Variants in PPFIA1 observed in about 807,000 individuals in gnomAD.
The protein encoded by PPFIA1 is liprin-alpha-1.
A neutral mutation model predicts 149.9 loss-of-function variants in PPFIA1; 25 were observed. The observed-to-expected ratio is 0.17, with a 90% CI of 0.12 to 0.23. The LOEUF (loss-of-function observed/expected upper bound fraction) is 0.23. Among genes scored for constraint, PPFIA1 ranks in the 10% least tolerant of loss-of-function variants. PPFIA1 has a pLI of 1.00. For missense variants in PPFIA1, 1,362 were observed against 1,506.5 expected, an observed-to-expected ratio of 0.90 and a Z score of 1.59; for synonymous variants, 549 against 552.8, an observed-to-expected ratio of 0.99 and a Z score of 0.10.
intron 2 of PPFIA1, among the ~76,000 whole-genome samples, chr11:70,294,721 C>T (rs1041859729): frequency 1.3e-5 from 2 of 151,504 alleles, no homozygotes; most frequent in African/African-American, 4.9e-5. Context: ...TGTTTGTGTC[C>T]CTGGGTACTT....
intron 16 of PPFIA1, among the ~76,000 whole-genome samples, chr11:70,353,586 G>A (rs898964941): frequency 6.6e-6 from 1 of 152,080 alleles, no homozygotes; most frequent in Non-Finnish European, 1.5e-5. Flanking sequence ...GCGTATTCAC[G>A]TTCCACTGCA....
At chr11:70,354,194 C>A in intron 16 of PPFIA1, 107 bp from the exon 17 acceptor site, 1 of 1,177,960 alleles carries the variant, frequency 8.5e-7, no homozygotes, top group Non-Finnish European at 1.2e-6. Context: ...TCTGTGCTGG[C>A]AGAAAGCACA....
At chr11:70,335,417 G>A in intron 10 of PPFIA1, 146 bp from the exon 11 acceptor site, 1 of 892,434 alleles carries the variant, frequency 1.1e-6, no homozygotes, top group Non-Finnish European at 1.7e-6. Flanking sequence ...TGGTCACCAT[G>A]CAAAAGTCCA....
chr11:70,323,948 A>G (rs947933693), intron 2 of PPFIA1, among the ~76,000 whole-genome samples: 1 of 152,228 alleles, frequency 6.6e-6, no homozygotes, highest in Non-Finnish European at 1.5e-5. Context: ...GGGTGACACA[A>G]TGAGACCCTG....
intron 2 of PPFIA1, among the ~76,000 whole-genome samples, chr11:70,308,912 G>T (rs1471376034): frequency 6.6e-6 from 1 of 152,128 alleles, no homozygotes; most frequent in Non-Finnish European, 1.5e-5. Flanking sequence ...GACAGGGCGA[G>T]ACTCTCTCGA....
chr11:70,357,733 G>A (rs1185163388), intron 19 of PPFIA1, among the ~76,000 whole-genome samples: 11 of 151,802 alleles, frequency 7.2e-5, no homozygotes, highest in African/African-American at 2.2e-4. Flanking sequence ...ACTTACAGGC[G>A]CCCGCCACCA....
rs915693018 is a variant in PPFIA1 at position 70,378,089 on chromosome 11, C to T, written c.3444C>T (p.Asp1148=). 6.2e-7 allele frequency: 1 copy of T among 1,614,092 alleles called. No individual in the cohort carries two copies. The highest frequency in any genetic ancestry group is 8.5e-7 in the Non-Finnish European group (1 of 1,180,014). The change falls in exon 26 of 28, where the codon GAC becomes GAT. Residue 1148 remains aspartate, a synonymous_variant. Coordinates refer to ENST00000253925, the MANE Select transcript of PPFIA1 (RefSeq NM_003626.5). ...PSWRKKFRPK[D]IRGLAAGSAE... The stretch of plus-strand genomic sequence containing the variant: ...GGAGAAAAAAGTTTAGACCAAAGGA[C>T]ATTCGTGGCTTAGCTGCTGGGTCAG...
At chr11:70,381,067 T>A (rs1268653310) in intron 26 of PPFIA1, 3 of 152,148 alleles carry the variant, frequency 2.0e-5, no homozygotes, top group Non-Finnish European at 4.4e-5. Flanking sequence ...CCCAAATTGC[T>A]GGAATTACAG....
chr11:70,286,862 C>G (rs2051169096), intron 2 of PPFIA1, among the ~76,000 whole-genome samples: 1 of 148,844 alleles, frequency 6.7e-6, no homozygotes. Context: ...TTCTAAGAAG[C>G]TGGGACTACA....
intron 2 of PPFIA1, among the ~76,000 whole-genome samples, chr11:70,296,517 C>CA (rs1228086351): frequency 6.6e-6 from 1 of 151,964 alleles, no homozygotes; most frequent in African/African-American, 2.4e-5. Flanking sequence ...CCGTCTCCAC[C>CA]AAAAAAATAC....
chr11:70,272,013 C>G, intron 1 of PPFIA1, 160 bp from the exon 2 acceptor site: 1 of 806,594 alleles, frequency 1.2e-6, no homozygotes, highest in Non-Finnish European at 2.0e-6. Flanking sequence ...TTAATATTTG[C>G]CCTGTGTATG....
At chr11:70,380,001 C>T (rs968403778) in intron 26 of PPFIA1, among the ~76,000 whole-genome samples, 5 of 152,210 alleles carry the variant, frequency 3.3e-5, no homozygotes, top group Non-Finnish European at 5.9e-5. Context: ...CTGGAGTCCA[C>T]GAGTGCTTTC....
intron 2 of PPFIA1, among the ~76,000 whole-genome samples, chr11:70,296,413 A>C (rs1177065386): frequency 6.6e-6 from 1 of 152,130 alleles, no homozygotes; most frequent in African/African-American, 2.4e-5. Flanking sequence ...AGTGAACCAG[A>C]CACTGTCTGC....
intron 16 of PPFIA1, 52 bp downstream of exon 16, chr11:70,348,472 A>T (rs1027107603): frequency 7.2e-7 from 1 of 1,379,992 alleles, no homozygotes; most frequent in African/African-American, 1.4e-5. Context: ...ACCTGTATGA[A>T]ATCTTGGACA....
intron 15 of PPFIA1, chr11:70,345,942 C>T (rs998610660): frequency 1.3e-5 from 6 of 453,686 alleles, no homozygotes; most frequent in Admixed American, 4.7e-5. Context: ...TTCAGGAGTG[C>T]ACGGCTCCAC....
chr11:70,319,102 CAT>C (rs910428366), intron 2 of PPFIA1, among the ~76,000 whole-genome samples: 30 of 152,230 alleles, frequency 2.0e-4, no homozygotes, highest in African/African-American at 7.0e-4. Flanking sequence ...CCCTTCAAAA[CAT>C]ACTCTTCCCG....
rs540410772 is a variant in PPFIA1 at position 70,342,736 on chromosome 11, T to G, written c.1708-933T>G. ...CTTTTTTATTTCTGTAACTTTCCAGTAGCATGTATAATTGGAGTAAGGTGT... is the reference window on the plus strand; with the variant it reads ...CTTTTTTATTTCTGTAACTTTCCAGGAGCATGTATAATTGGAGTAAGGTGT... On this transcript the variant is annotated intron_variant, in intron 14 of 27. Transcript: ENST00000253925. 1.0e-3 allele frequency among the ~76,000 whole-genome samples: 152 copies of G among 152,240 alleles called. 2 individuals are homozygous for G. Among genetic ancestry groups the G allele is most frequent in the South Asian group, 5.8e-3 (28 of 4,822 alleles).
chr11:70,355,329 T>C lies in PPFIA1; in HGVS notation c.2316-310T>C, dbSNP rs190862245. ...TGCCACGGTTCTCAGCTGAGTAGAG[T>C]AATGCTCAGGGCGGTTGTGGGAGCT... On this transcript the variant is annotated intron_variant, in intron 17 of 27. Coordinates refer to ENST00000253925, the MANE Select transcript of PPFIA1 (RefSeq NM_003626.5). 3.9e-5 allele frequency among the ~76,000 whole-genome samples: 6 copies of C among 152,046 alleles called. No individual in the cohort carries two copies. The East Asian group carries it at 1.2e-3, about 30-fold the overall frequency.
intron 16 of PPFIA1, among the ~76,000 whole-genome samples, chr11:70,349,135 C>CAAA (rs749436919): frequency 1.7e-4 from 13 of 74,572 alleles, no homozygotes; most frequent in African/African-American, 4.5e-4. Flanking sequence ...CATCTACTAC[C>CAAA]AAAAAAAAAA....
Sources: allele counts gnomAD v4.1 joint callset (sites outside exome capture counted in the v4.1 genomes callset), GRCh38; gene constraint gnomAD v4.1.1; transcripts MANE v1.5; gene names NCBI Gene and HGNC (gene_info 2026-07-23, HGNC 2026-07-21).